Variants in LSAMP observed in about 807,000 individuals in gnomAD.
LSAMP encodes limbic system associated membrane protein, also known as limbic system-associated membrane protein.
A neutral mutation model predicts 38.6 loss-of-function variants in LSAMP; 7 were observed. The observed-to-expected ratio is 0.18, with a 90% CI of 0.10 to 0.34. The LOEUF is 0.34. LSAMP is among the 10% of genes least tolerant of loss of function. The probability of loss-of-function intolerance (pLI) is 1.00; values close to 1 mark genes in which losing one functional copy is unlikely to be tolerated. For synonymous variants in LSAMP, 154 were observed against 166.8 expected (o/e 0.92, Z 0.59); for missense variants, 313 against 420.0 (o/e 0.75, Z 2.23).
intron 3 of LSAMP, among the ~76,000 whole-genome samples, chr3:116,009,492 C>T (rs1377104518): frequency 6.6e-6 from 1 of 152,166 alleles, no homozygotes; most frequent in Non-Finnish European, 1.5e-5. Context: ...TTTACTTCTA[C>T]AGAATCCTAA....
chr3:115,919,056 G>C (rs766424056), intron 3 of LSAMP, among the ~76,000 whole-genome samples: 9 of 152,134 alleles, frequency 5.9e-5, no homozygotes, highest in Admixed American at 2.0e-4. Context: ...TTCTGCTCTA[G>C]AAGAGTTGAT....
intron 3 of LSAMP, among the ~76,000 whole-genome samples, chr3:115,864,317 G>C (rs1935797010): frequency 6.6e-6 from 1 of 152,170 alleles, no homozygotes; most frequent in Admixed American, 6.5e-5. Flanking sequence ...CCAGTTCCCA[G>C]CTGGGACTAA....
At chr3:116,160,815 A>G (rs1321017177) in intron 1 of LSAMP, among the ~76,000 whole-genome samples, 10 of 152,248 alleles carry the variant, frequency 6.6e-5, no homozygotes, top group African/African-American at 2.4e-4. Flanking sequence ...GTTTACATGC[A>G]TATTTTAAGG....
At chr3:115,963,695 G>A (rs1938701740) in intron 3 of LSAMP, among the ~76,000 whole-genome samples, 1 of 152,268 alleles carries the variant, frequency 6.6e-6, no homozygotes, top group South Asian at 2.1e-4. Flanking sequence ...TTTAGTTCTT[G>A]CCGTCTCTAT....
At chr3:116,294,576 T>C (rs1025353660) in intron 1 of LSAMP, among the ~76,000 whole-genome samples, 1 of 152,218 alleles carries the variant, frequency 6.6e-6, no homozygotes, top group Non-Finnish European at 1.5e-5. Flanking sequence ...ATACTATTCA[T>C]ACAAATTTCA....
intron 1 of LSAMP, among the ~76,000 whole-genome samples, chr3:116,327,058 TCTA>T (rs1300424598): frequency 6.6e-6 from 1 of 152,162 alleles, no homozygotes; most frequent in Admixed American, 6.5e-5. Context: ...TGTGTCCACA[TCTA>T]CTACACCAGT....
chr3:116,208,562 T>C (rs923980578), intron 1 of LSAMP, among the ~76,000 whole-genome samples: 1 of 152,240 alleles, frequency 6.6e-6, no homozygotes, highest in African/African-American at 2.4e-5. Context: ...ATGATGGTGA[T>C]GTACAGATGG....
chr3:116,113,400 C>CTATATATATA (rs5851991), intron 1 of LSAMP, among the ~76,000 whole-genome samples: 6 of 87,134 alleles, frequency 6.9e-5, no homozygotes, highest in African/African-American at 2.6e-4. Context: ...TATGTTTGCC[C>CTATATATATA]TATATATATA....
intron 1 of LSAMP, among the ~76,000 whole-genome samples, chr3:116,318,610 T>C (rs1424192315): frequency 6.6e-6 from 1 of 152,150 alleles, no homozygotes; most frequent in Non-Finnish European, 1.5e-5. Flanking sequence ...ACAAGAAAAG[T>C]TAAATAACAG....
At chr3:116,052,727 G>T (rs1472079495) in intron 2 of LSAMP, among the ~76,000 whole-genome samples, 1 of 152,134 alleles carries the variant, frequency 6.6e-6, no homozygotes, top group African/African-American at 2.4e-5. Flanking sequence ...TTTCAGAGAG[G>T]GCCTGCACTC....
At chr3:116,438,793 T>C (rs536171539) in intron 1 of LSAMP, among the ~76,000 whole-genome samples, 25 of 152,320 alleles carry the variant, frequency 1.6e-4, no homozygotes, top group African/African-American at 5.8e-4. Flanking sequence ...ATAGACGTTA[T>C]GTAAATCTGA....
chr3:115,956,222 G>T (rs1425799373), intron 3 of LSAMP, among the ~76,000 whole-genome samples: 1 of 151,374 alleles, frequency 6.6e-6, no homozygotes, highest in African/African-American at 2.4e-5. Context: ...AAGCACTAGG[G>T]TATCTGAGGT....
chr3:116,374,672 C>T (rs938752426), intron 1 of LSAMP, among the ~76,000 whole-genome samples: 2 of 151,918 alleles, frequency 1.3e-5, no homozygotes, highest in African/African-American at 4.8e-5. Flanking sequence ...ATCAGTAAAT[C>T]TTGTCAGCAC....
At chr3:116,070,931 T>A (rs902190614) in intron 2 of LSAMP, among the ~76,000 whole-genome samples, 37 of 151,896 alleles carry the variant, frequency 2.4e-4, no homozygotes, top group Non-Finnish European at 3.7e-4. Flanking sequence ...TCCCAGCTAC[T>A]AGGGAGGCTG....
chr3:116,317,545 C>T (rs1273365112), intron 1 of LSAMP, among the ~76,000 whole-genome samples: 1 of 151,650 alleles, frequency 6.6e-6, no homozygotes, highest in Non-Finnish European at 1.5e-5. Flanking sequence ...TCAGTAGAGA[C>T]GGAGTTTCAC....
At chr3:116,064,084 T>G (rs1941641364) in intron 2 of LSAMP, among the ~76,000 whole-genome samples, 1 of 152,192 alleles carries the variant, frequency 6.6e-6, no homozygotes, top group African/African-American at 2.4e-5. Flanking sequence ...ACTCAGTAAT[T>G]TACTAGAGCA....
intron 1 of LSAMP, among the ~76,000 whole-genome samples, chr3:116,340,289 A>G (rs999073744): frequency 6.6e-6 from 1 of 152,018 alleles, no homozygotes; most frequent in African/African-American, 2.4e-5. Context: ...TACATATGAG[A>G]ATAAATTCTC....
intron 3 of LSAMP, among the ~76,000 whole-genome samples, chr3:116,002,382 C>T (rs142101414): frequency 4.2e-4 from 64 of 152,178 alleles, no homozygotes; most frequent in African/African-American, 1.3e-3. Context: ...GGAGAACACA[C>T]GGGGATATTA....
At chr3:116,053,500 A>G (rs1261571778) in intron 2 of LSAMP, among the ~76,000 whole-genome samples, 1 of 152,212 alleles carries the variant, frequency 6.6e-6, no homozygotes, top group Non-Finnish European at 1.5e-5. Context: ...CGTCTCTTTG[A>G]GGATATAGCA....
Sources: allele counts gnomAD v4.1 joint callset (sites outside exome capture counted in the v4.1 genomes callset), GRCh38; gene constraint gnomAD v4.1.1; transcripts MANE v1.5; gene names NCBI Gene and HGNC (gene_info 2026-07-23, HGNC 2026-07-21).